BNC2: variants seen among roughly 807,000 people sequenced by gnomAD.
BNC2 encodes zinc finger protein basonuclin-2.
In BNC2, 20 loss-of-function variants were observed where a neutral mutation model predicts 76.3. The ratio of observed to expected loss-of-function variants is 0.26; its 90% confidence interval spans 0.18 to 0.38. BNC2 has a LOEUF of 0.38. Ranked by LOEUF, BNC2 falls within the 10% of genes least tolerant of loss-of-function variation. The pLI is 1.00. For missense variants in BNC2, 1,382 were observed against 1,399.8 expected, an observed-to-expected ratio of 0.99 and a Z score of 0.20; for synonymous variants, 582 against 514.8, an observed-to-expected ratio of 1.13 and a Z score of -1.77.
intron 3 of BNC2, among the ~76,000 whole-genome samples, chr9:16,623,725 T>C (rs1425909455): frequency 1.3e-5 from 2 of 152,218 alleles, no homozygotes; most frequent in Non-Finnish European, 2.9e-5. Context: ...TAATACCAGA[T>C]GTATGTGGGT....
intron 3 of BNC2, among the ~76,000 whole-genome samples, chr9:16,721,187 A>G (rs2134873644): frequency 6.6e-6 from 1 of 152,236 alleles, no homozygotes; most frequent in South Asian, 2.1e-4. Context: ...TGAGCTGCTT[A>G]GCAGATTTTT....
At chr9:16,643,674 T>C (rs151186451) in intron 3 of BNC2, among the ~76,000 whole-genome samples, 146 of 152,306 alleles carry the variant, frequency 9.6e-4, no homozygotes, top group African/African-American at 3.2e-3. Flanking sequence ...ATTCTAAGCA[T>C]GTGAAAAGCA....
At chr9:16,474,384 A>G (rs963012239) in intron 5 of BNC2, among the ~76,000 whole-genome samples, 11 of 151,328 alleles carry the variant, frequency 7.3e-5, no homozygotes, top group Non-Finnish European at 1.6e-4. Flanking sequence ...TGAAGGGAGA[A>G]AAGTGTTCAA....
intron 5 of BNC2, among the ~76,000 whole-genome samples, chr9:16,498,220 ATCATATATATATATTCC>A: frequency 1.1e-5 from 1 of 94,570 alleles, no homozygotes; most frequent in African/African-American, 4.8e-5. Flanking sequence ...TATATATTCC[ATCATATATATATATTCC>A]ATCATATATA....
intron 2 of BNC2, among the ~76,000 whole-genome samples, chr9:16,737,739 G>C (rs1262864037): frequency 6.6e-6 from 1 of 152,078 alleles, no homozygotes; most frequent in South Asian, 2.1e-4. Context: ...CCCAAAAGAT[G>C]CCAGAAACCT....
intron 1 of BNC2, among the ~76,000 whole-genome samples, chr9:16,821,166 G>A (rs185565779): frequency 6.6e-6 from 1 of 151,710 alleles, no homozygotes; most frequent in East Asian, 2.0e-4. Flanking sequence ...CCAGGAGGCG[G>A]AGGTTGCAGT....
At chr9:16,771,355 A>G (rs1825826827) in intron 1 of BNC2, among the ~76,000 whole-genome samples, 2 of 152,172 alleles carry the variant, frequency 1.3e-5, no homozygotes, top group Admixed American at 6.5e-5. Context: ...AGAAATAATA[A>G]ATCTTTCAAC....
intron 1 of BNC2, among the ~76,000 whole-genome samples, chr9:16,783,089 A>G (rs1230181156): frequency 6.6e-6 from 1 of 152,182 alleles, no homozygotes; most frequent in Non-Finnish European, 1.5e-5. Context: ...AGTTAAATAT[A>G]TCCAATAACA....
chr9:16,832,798 T>C (rs1172947013), intron 1 of BNC2, among the ~76,000 whole-genome samples: 1 of 152,068 alleles, frequency 6.6e-6, no homozygotes, highest in Non-Finnish European at 1.5e-5. Flanking sequence ...CGATCTCGGC[T>C]TACTGCAACC....
intron 1 of BNC2, among the ~76,000 whole-genome samples, chr9:16,781,017 AAGAG>A (rs934977795): frequency 1.3e-5 from 2 of 152,066 alleles, no homozygotes; most frequent in African/African-American, 4.8e-5. Context: ...TTGAAAAAAA[AAGAG>A]AGAGAGAAGC....
chr9:16,733,629 G>A (rs534648363), intron 2 of BNC2, among the ~76,000 whole-genome samples: 5 of 152,166 alleles, frequency 3.3e-5, no homozygotes, highest in South Asian at 2.1e-4. Context: ...GGCATGGAGC[G>A]GGGAGAAAGA....
intron 3 of BNC2, chr9:16,726,715 T>G (rs1824334717): frequency 6.6e-6 from 1 of 152,144 alleles, no homozygotes; most frequent in Non-Finnish European, 1.5e-5. Flanking sequence ...GCTTTGTGTG[T>G]GGATGATAAT....
intron 5 of BNC2, among the ~76,000 whole-genome samples, chr9:16,483,521 A>G (rs962559234): frequency 1.1e-4 from 17 of 152,228 alleles, no homozygotes; most frequent in African/African-American, 3.1e-4. Context: ...CAATGATTAC[A>G]TGGTATACAG....
intron 4 of BNC2, among the ~76,000 whole-genome samples, chr9:16,576,416 G>A (rs1819487148): frequency 6.6e-6 from 1 of 152,148 alleles, no homozygotes; most frequent in Admixed American, 6.5e-5. Context: ...GAGAAGACTA[G>A]GGAAGAAAAG....
chr9:16,488,809 G>A (rs1822216367), intron 5 of BNC2, among the ~76,000 whole-genome samples: 1 of 151,862 alleles, frequency 6.6e-6, no homozygotes, highest in Admixed American at 6.6e-5. Context: ...GTGATGGCCT[G>A]AACAAGGATA....
intron 3 of BNC2, among the ~76,000 whole-genome samples, chr9:16,670,983 G>C (rs970257393): frequency 2.0e-5 from 3 of 152,086 alleles, no homozygotes; most frequent in Non-Finnish European, 4.4e-5. Context: ...CTGACAACCT[G>C]AAGACGCACA....
intron 3 of BNC2, among the ~76,000 whole-genome samples, chr9:16,589,071 G>A (rs1233018452): frequency 2.6e-5 from 4 of 152,080 alleles, no homozygotes; most frequent in Non-Finnish European, 5.9e-5. Flanking sequence ...AACTGATTCC[G>A]GTTCTGGGTT....
chr9:16,695,273 A>T (rs1417248211), intron 3 of BNC2, among the ~76,000 whole-genome samples: 2 of 152,182 alleles, frequency 1.3e-5, no homozygotes, highest in African/African-American at 4.8e-5. Context: ...GGTAAGTAAT[A>T]CTTAAAATAA....
At chr9:16,793,563 A>G (rs769612504) in intron 1 of BNC2, among the ~76,000 whole-genome samples, 4 of 151,262 alleles carry the variant, frequency 2.6e-5, no homozygotes, top group Non-Finnish European at 5.9e-5. Context: ...CAGCCTCCCA[A>G]GTGGCTGGGA....
Sources: gnomAD v4.1 joint callset for allele counts (sites outside exome capture counted in the v4.1 genomes callset) on GRCh38, gnomAD v4.1.1 for gene constraint, MANE v1.5 for transcripts, NCBI Gene and HGNC (gene_info 2026-07-23, HGNC 2026-07-21) for gene names.